Variants in MPPED2 observed in about 807,000 individuals in gnomAD.
MPPED2 encodes metallophosphoesterase domain containing 2.
In MPPED2, 5 loss-of-function variants were observed where a neutral mutation model predicts 33.0. That is an observed-to-expected ratio of 0.15 (90% confidence interval 0.08 to 0.32). MPPED2 has a LOEUF of 0.32. Ranked by LOEUF, MPPED2 falls within the 10% of genes least tolerant of loss-of-function variation. The pLI is 1.00. For synonymous variants in MPPED2, 136 were observed against 141.9 expected, an observed-to-expected ratio of 0.96 and a Z score of 0.29; for missense variants, 275 against 372.1, an observed-to-expected ratio of 0.74 and a Z score of 2.15.
At chr11:30,534,086 C>T (rs183830242) in intron 3 of MPPED2, among the ~76,000 whole-genome samples, 6 of 152,286 alleles carry the variant, frequency 3.9e-5, no homozygotes, top group East Asian at 1.9e-4. Flanking sequence ...ATTAATCCTT[C>T]GTCCTGCAGA....
Position 30,411,413 on chromosome 11 carries a change from A to G in MPPED2, c.*55T>C. On this transcript the variant is annotated 3_prime_UTR_variant, in exon 7 of 7. Transcript: ENST00000358117. Reference sequence around the variant, plus strand: ...AGTAAGAGAATGTAAGTTTATAATTAGAAAAATGGCAGTTTATAGACCTTC... The same window carrying G: ...AGTAAGAGAATGTAAGTTTATAATTGGAAAAATGGCAGTTTATAGACCTTC... 6.5e-7 allele frequency: 1 copy of G among 1,544,190 alleles called. No homozygotes were observed. The highest frequency in any genetic ancestry group is 1.3e-5 in the South Asian group (1 of 78,990).
At chr11:30,457,696 A>G (rs574620708) in intron 4 of MPPED2, among the ~76,000 whole-genome samples, 114 of 152,298 alleles carry the variant, frequency 7.5e-4, no homozygotes, top group Admixed American at 2.1e-3. Flanking sequence ...TAAATTCCCA[A>G]ACCAGGATTT....
chr11:30,435,611 C>A lies in MPPED2; in HGVS notation c.537-17978G>T, dbSNP rs550084507. Among the ~76,000 whole-genome samples the A allele has an allele frequency of 1.7e-4, 26 of 152,274 alleles. 1 individual carries two copies. In the East Asian group the frequency reaches 5.0e-3, roughly 29 times the overall value. ...TGAAGAGCAGGAAGTTTTGTGAGTC[C>A]AAGAGCAGTGACAGACACTGGACCA... On this transcript the variant is annotated intron_variant, in intron 4 of 6. Coordinates refer to ENST00000358117, the MANE Select transcript of MPPED2 (RefSeq NM_001584.3).
intron 3 of MPPED2, among the ~76,000 whole-genome samples, chr11:30,500,718 G>T (rs1164748033): frequency 6.6e-6 from 1 of 152,162 alleles, no homozygotes. Context: ...TTTTGCATGT[G>T]ACTTGTATCC....
chr11:30,476,076 T>G (rs1951180632), intron 4 of MPPED2, among the ~76,000 whole-genome samples: 1 of 149,752 alleles, frequency 6.7e-6, no homozygotes, highest in African/African-American at 2.5e-5. Flanking sequence ...CTTCTGAGCA[T>G]TTTTTATTGG....
At chr11:30,414,032 A>G (rs1332419431) in intron 6 of MPPED2, among the ~76,000 whole-genome samples, 196 bp downstream of exon 6, 1 of 151,874 alleles carries the variant, frequency 6.6e-6, no homozygotes, top group Non-Finnish European at 1.5e-5. Context: ...CCTACTTTCC[A>G]CTCTGTTTAC....
rs1952208375 is a variant in MPPED2, at chr11:30,495,461, T to G, written c.371A>C (p.Lys124Thr). The change falls in exon 4 of 7, where the codon AAG becomes ACG. Residue 124 changes from lysine to threonine, a missense_variant. By Grantham distance (78) the Lys-to-Thr change is moderately conservative. Transcript: ENST00000358117. The part of the protein sequence containing the change: ...IAGNHELTFD[K>T]EFMADLVKQD... ...TTTAACAAGGTCTGCCATGAATTCCTTATCAAATGTCAGTTCATGATTCCC... is the reference window on the plus strand; with the variant it reads ...TTTAACAAGGTCTGCCATGAATTCCGTATCAAATGTCAGTTCATGATTCCC... The G allele has an allele frequency of 6.2e-7, 1 of 1,614,052 alleles. No individual in the cohort carries two copies. Among genetic ancestry groups the G allele is most frequent in the Admixed American group, 1.7e-5 (1 of 60,010 alleles).
At chr11:30,527,101 T>G (rs1954237161) in intron 3 of MPPED2, among the ~76,000 whole-genome samples, 2 of 151,792 alleles carry the variant, frequency 1.3e-5, no homozygotes, top group South Asian at 4.2e-4. Context: ...AATTTTTTTT[T>G]GTATTTTTTC....
intron 4 of MPPED2, among the ~76,000 whole-genome samples, chr11:30,473,062 A>T (rs1951016660): frequency 6.6e-6 from 1 of 152,164 alleles, no homozygotes; most frequent in Admixed American, 6.6e-5. Flanking sequence ...AGTTGTGGTT[A>T]AAAAAAGTTT....
At chr11:30,571,480 A>C (rs1956688534) in intron 2 of MPPED2, among the ~76,000 whole-genome samples, 1 of 152,116 alleles carries the variant, frequency 6.6e-6, no homozygotes, top group South Asian at 2.1e-4. Context: ...CTTTTACATT[A>C]AATAACAAAA....
chr11:30,500,439 A>G (rs1456664852), intron 3 of MPPED2, among the ~76,000 whole-genome samples: 1 of 152,120 alleles, frequency 6.6e-6, no homozygotes, highest in Non-Finnish European at 1.5e-5. Flanking sequence ...TTCTATTCCT[A>G]ATGATTCGAT....
intron 2 of MPPED2, among the ~76,000 whole-genome samples, chr11:30,577,527 A>C (rs1320975608): frequency 1.3e-5 from 2 of 152,228 alleles, no homozygotes; most frequent in African/African-American, 4.8e-5. Flanking sequence ...TGAAATTTTC[A>C]GAAAAACTGA....
intron 2 of MPPED2, among the ~76,000 whole-genome samples, chr11:30,576,473 T>G (rs1012319418): frequency 6.6e-6 from 1 of 152,112 alleles, no homozygotes; most frequent in Non-Finnish European, 1.5e-5. Context: ...TTAACCTGAG[T>G]AGGGTATCCT....
At chr11:30,537,683 G>C (rs374481793) in intron 2 of MPPED2, among the ~76,000 whole-genome samples, 1 of 152,232 alleles carries the variant, frequency 6.6e-6, no homozygotes, top group East Asian at 1.9e-4. Flanking sequence ...AGGAGAGTAG[G>C]GAGGAAGGAA....
chr11:30,553,195 G>C (rs1238819190), intron 2 of MPPED2, among the ~76,000 whole-genome samples: 1 of 152,020 alleles, frequency 6.6e-6, no homozygotes, highest in Non-Finnish European at 1.5e-5. Context: ...CATTTGCCAT[G>C]AACTGCACCA....
At chr11:30,550,498 A>C (rs920767190) in intron 2 of MPPED2, among the ~76,000 whole-genome samples, 2 of 152,232 alleles carry the variant, frequency 1.3e-5, no homozygotes, top group African/African-American at 4.8e-5. Flanking sequence ...AGTTTACCAC[A>C]GCAAAACTTC....
chr11:30,566,822 A>C lies in MPPED2; in HGVS notation c.128+13424T>G, dbSNP rs145785238. Among the ~76,000 whole-genome samples, 1,061 of 152,284 alleles carry C rather than the reference A, an allele frequency of 7.0e-3. 8 individuals are homozygous for C. The highest frequency in any genetic ancestry group is 0.024 in the African/African-American group (1,002 of 41,554). ...ACACACATTTCACCAACAATTCAAG[A>C]ATATATTTAAGATAAGTGCAGCCAA... is the stretch of plus-strand genomic sequence containing the variant. On this transcript the variant is annotated intron_variant, in intron 2 of 6. Transcript: ENST00000358117.
chr11:30,461,309 C>G (rs1371009524), intron 4 of MPPED2, among the ~76,000 whole-genome samples: 1 of 152,018 alleles, frequency 6.6e-6, no homozygotes, highest in Non-Finnish European at 1.5e-5. Flanking sequence ...GGTTGCACAA[C>G]AATGTGAATG....
chr11:30,547,961 A>G (rs541526699), intron 2 of MPPED2, among the ~76,000 whole-genome samples: 2 of 152,344 alleles, frequency 1.3e-5, no homozygotes, highest in East Asian at 3.9e-4. Context: ...CACAAATTAT[A>G]TATACCTATG....
Sources: gnomAD v4.1 joint callset for allele counts (sites outside exome capture counted in the v4.1 genomes callset) on GRCh38, gnomAD v4.1.1 for gene constraint, MANE v1.5 for transcripts, NCBI Gene and HGNC (gene_info 2026-07-23, HGNC 2026-07-21) for gene names.